GRIN2B: variants seen among roughly 807,000 people sequenced by gnomAD.
GRIN2B encodes the protein glutamate ionotropic receptor NMDA type subunit 2B.
Under a neutral mutation model 114.5 loss-of-function variants are expected in GRIN2B, and 5 were observed. The ratio of observed to expected loss-of-function variants is 0.04; its 90% confidence interval spans 0.02 to 0.09. The LOEUF is 0.09. GRIN2B is among the 10% of genes least tolerant of loss of function. GRIN2B has a pLI of 1.00. For missense variants in GRIN2B, 1,108 were observed against 1,943.5 expected (o/e 0.57, Z 8.08); for synonymous variants, 787 against 745.1 (o/e 1.06, Z -0.92).
At chr12:13,605,539 T>A (rs1258814916) in intron 10 of GRIN2B, among the ~76,000 whole-genome samples, 8 of 70,452 alleles carry the variant, frequency 1.1e-4, no homozygotes, top group Admixed American at 8.7e-4. Context: ...TCTCTCTCTC[T>A]CTCTCTCTCT....
At chr12:13,838,874 C>T (rs1865329015) in intron 3 of GRIN2B, among the ~76,000 whole-genome samples, 1 of 152,206 alleles carries the variant, frequency 6.6e-6, no homozygotes, top group Non-Finnish European at 1.5e-5. Context: ...AAATCTGCCT[C>T]TTCCCCTCTT....
At chr12:13,611,685 A>G in intron 9 of GRIN2B, 40 bp downstream of exon 9, 2 of 1,605,100 alleles carry the variant, frequency 1.2e-6, no homozygotes, top group Non-Finnish European at 1.7e-6. Context: ...AAATAAGGAG[A>G]AAAAAACTGG....
intron 2 of GRIN2B, among the ~76,000 whole-genome samples, chr12:13,939,169 A>G (rs1254900276): frequency 2.6e-5 from 4 of 152,196 alleles, no homozygotes; most frequent in African/African-American, 7.2e-5. Context: ...ATAAAAATCT[A>G]GTTTTTAAAA....
chr12:13,773,206 C>T (rs1452817428), intron 3 of GRIN2B, among the ~76,000 whole-genome samples: 1 of 152,188 alleles, frequency 6.6e-6, no homozygotes, highest in Non-Finnish European at 1.5e-5. Flanking sequence ...ATGAAAGAGA[C>T]AAAATATCCT....
intron 2 of GRIN2B, among the ~76,000 whole-genome samples, chr12:13,892,024 C>T (rs1866270658): frequency 6.6e-6 from 1 of 152,234 alleles, no homozygotes; most frequent in African/African-American, 2.4e-5. Context: ...CATGCTCCAT[C>T]ACTCAGCCTG....
chr12:13,875,147 T>C (rs1230045601), intron 2 of GRIN2B, among the ~76,000 whole-genome samples: 5 of 151,914 alleles, frequency 3.3e-5, no homozygotes, highest in Non-Finnish European at 1.5e-5. Flanking sequence ...ATCGTTCAGC[T>C]CCCATTTATA....
At chr12:13,709,831 G>A (rs1950397567) in intron 4 of GRIN2B, among the ~76,000 whole-genome samples, 1 of 151,972 alleles carries the variant, frequency 6.6e-6, no homozygotes, top group African/African-American at 2.4e-5. Flanking sequence ...TGGTGAGAAA[G>A]TAAAATGATA....
chr12:13,923,219 TA>T (rs2136814894), intron 2 of GRIN2B, among the ~76,000 whole-genome samples: 1 of 152,316 alleles, frequency 6.6e-6, no homozygotes, highest in African/African-American at 2.4e-5. Flanking sequence ...ATTCTCAAAA[TA>T]TTTTTCAGAC....
intron 2 of GRIN2B, among the ~76,000 whole-genome samples, chr12:13,890,912 G>T (rs1866249705): frequency 6.6e-6 from 1 of 152,100 alleles, no homozygotes; most frequent in Non-Finnish European, 1.5e-5. Context: ...AAGTCCAGTG[G>T]GCCCGGAACC....
intron 4 of GRIN2B, among the ~76,000 whole-genome samples, chr12:13,694,221 C>G (rs757485402): frequency 6.6e-6 from 1 of 152,122 alleles, no homozygotes; most frequent in Non-Finnish European, 1.5e-5. Flanking sequence ...ACTCAGCTCT[C>G]GTACTGTTTG....
chr12:13,812,195 T>C (rs1224713802), intron 3 of GRIN2B, among the ~76,000 whole-genome samples: 1 of 151,940 alleles, frequency 6.6e-6, no homozygotes, highest in Non-Finnish European at 1.5e-5. Flanking sequence ...CCAAATTATA[T>C]AAAAGACACT....
intron 2 of GRIN2B, among the ~76,000 whole-genome samples, chr12:13,878,627 C>T (rs971740419): frequency 1.3e-5 from 2 of 152,262 alleles, no homozygotes; most frequent in East Asian, 1.9e-4. Flanking sequence ...TTCAAAGTGG[C>T]GAAAGCAAGA....
chr12:13,926,812 G>C (rs142084063), intron 2 of GRIN2B, among the ~76,000 whole-genome samples: 12,358 of 152,168 alleles, frequency 0.081, 562 homozygotes, highest in Middle Eastern at 0.13. Flanking sequence ...AATTAGCCGG[G>C]TATGGTGGCA....
intron 5 of GRIN2B, among the ~76,000 whole-genome samples, chr12:13,649,530 A>C (rs1301913028): frequency 2.6e-5 from 4 of 152,090 alleles, no homozygotes; most frequent in Non-Finnish European, 5.9e-5. Flanking sequence ...TAGAGCCTAC[A>C]TTTTTTAATG....
chr12:13,964,386 C>T (rs1471094106), intron 2 of GRIN2B, among the ~76,000 whole-genome samples: 3 of 152,138 alleles, frequency 2.0e-5, no homozygotes, highest in Non-Finnish European at 2.9e-5. Context: ...GCAAAGAGGC[C>T]CTGCCCTTGG....
At chr12:13,972,198 G>A (rs577556275) in intron 2 of GRIN2B, among the ~76,000 whole-genome samples, 17 of 152,178 alleles carry the variant, frequency 1.1e-4, no homozygotes, top group African/African-American at 3.4e-4. Flanking sequence ...TCTGAGCATG[G>A]GCATCATTCT....
chr12:13,660,573 G>A (rs941359104), intron 5 of GRIN2B, among the ~76,000 whole-genome samples: 11 of 152,144 alleles, frequency 7.2e-5, no homozygotes, highest in African/African-American at 2.7e-4. Flanking sequence ...AAACACCACT[G>A]GGGATCAGAG....
At chr12:13,581,909 CA>C (rs71067711) in intron 10 of GRIN2B, among the ~76,000 whole-genome samples, 7,368 of 120,208 alleles carry the variant, frequency 0.061, 192 homozygotes, top group African/African-American at 0.1. Flanking sequence ...GACTTTGTCT[CA>C]AAAAAAAAAA....
chr12:13,842,927 T>C (rs1390609169), intron 3 of GRIN2B, among the ~76,000 whole-genome samples: 1 of 83,330 alleles, frequency 1.2e-5, no homozygotes, highest in Non-Finnish European at 2.7e-5. Context: ...CTTTTTTTTT[T>C]TTTTTTTTTT....
Sources: gnomAD v4.1 joint callset for allele counts (sites outside exome capture counted in the v4.1 genomes callset) on GRCh38, gnomAD v4.1.1 for gene constraint, MANE v1.5 for transcripts, NCBI Gene and HGNC (gene_info 2026-07-23, HGNC 2026-07-21) for gene names.